The following OCA2 variants were observed in gnomAD, a reference collection of about 807,000 sequenced individuals.
OCA2 encodes the protein OCA2 melanosomal transmembrane protein, also known as P protein.
OCA2 carries 77 observed loss-of-function variants against 100.2 expected under a neutral mutation model. That is an observed-to-expected ratio of 0.77 (90% CI 0.64 to 0.93). The LOEUF (loss-of-function observed/expected upper bound fraction) is 0.93, where lower values mean the gene tolerates loss of function less well. OCA2 is among the 40% of genes least tolerant of loss of function. The pLI, the probability that OCA2 is intolerant of heterozygous loss-of-function variation, is 0.00. For missense variants in OCA2, 1,062 were observed against 1,089.1 expected (o/e 0.98, Z 0.35); for synonymous variants, 432 against 439.2 (o/e 0.98, Z 0.21).
intron 18 of OCA2, among the ~76,000 whole-genome samples, chr15:27,947,816 TG>T (rs149017869): frequency 0.048 from 7,258 of 152,246 alleles, 253 homozygotes; most frequent in South Asian, 0.13. Context: ...GCCAGCACGC[TG>T]GGGCAGTGGT....
chr15:27,744,999 G>A, the OCA2 span, among the ~76,000 whole-genome samples: 1 of 152,078 alleles, frequency 6.6e-6, no homozygotes, highest in African/African-American at 2.4e-5. Flanking sequence ...GACAGATAGC[G>A]GGCCCTGAAA....
chr15:28,024,722 G>T (rs2042696893), intron 5 of OCA2, 123 bp downstream of exon 5: 2 of 1,034,768 alleles, frequency 1.9e-6, no homozygotes, highest in South Asian at 1.3e-5. Flanking sequence ...AAGACAGTCA[G>T]AGAATCAGGC....
chr15:27,744,196 G>T, the OCA2 span, among the ~76,000 whole-genome samples: 1 of 152,158 alleles, frequency 6.6e-6, no homozygotes, highest in Admixed American at 6.5e-5. Context: ...CAGCCCCTCC[G>T]CACCCTCAGC....
chr15:27,975,633 C>A (rs1238654487), intron 14 of OCA2, among the ~76,000 whole-genome samples: 1 of 152,206 alleles, frequency 6.6e-6, no homozygotes, highest in Non-Finnish European at 1.5e-5. Flanking sequence ...CTACTTTATT[C>A]CATTTATCTA....
At chr15:28,056,196 C>T (rs72712676) in intron 2 of OCA2, among the ~76,000 whole-genome samples, 8,966 of 152,202 alleles carry the variant, frequency 0.059, 311 homozygotes, top group Middle Eastern at 0.099. Flanking sequence ...CACCATGGGA[C>T]CTGCCTGTGT....
At chr15:28,096,918 C>G (rs1365807427) in intron 1 of OCA2, among the ~76,000 whole-genome samples, 1 of 152,010 alleles carries the variant, frequency 6.6e-6, no homozygotes, top group African/African-American at 2.4e-5. Context: ...AAACGCGCAG[C>G]CGGGCACGCG....
At chr15:27,827,377 C>G (rs2034770523) in intron 23 of OCA2, among the ~76,000 whole-genome samples, 1 of 152,116 alleles carries the variant, frequency 6.6e-6, no homozygotes, top group South Asian at 2.1e-4. Flanking sequence ...GAAGGAAGAG[C>G]CTGGTGCTCA....
At chr15:27,737,114 T>A in the OCA2 span, among the ~76,000 whole-genome samples, 8 of 152,174 alleles carry the variant, frequency 5.3e-5, no homozygotes, top group Admixed American at 2.0e-4. Flanking sequence ...TCAAAGAACA[T>A]CAAGTTATTA....
At chr15:28,095,035 C>G (rs2044946721) in intron 1 of OCA2, among the ~76,000 whole-genome samples, 1 of 152,270 alleles carries the variant, frequency 6.6e-6, no homozygotes, top group Admixed American at 6.5e-5. Context: ...GGCTCCAGGC[C>G]TGCGGGTGTG....
chr15:27,882,562 C>T (rs1377561217), intron 19 of OCA2, among the ~76,000 whole-genome samples: 1 of 152,170 alleles, frequency 6.6e-6, no homozygotes, highest in East Asian at 1.9e-4. Context: ...TGTTGACTGT[C>T]ATTTTCCCTT....
intron 20 of OCA2, 68 bp from the exon 21 acceptor site, chr15:27,871,326 G>T (rs1053167137): frequency 3.3e-6 from 4 of 1,204,078 alleles, no homozygotes; most frequent in Admixed American, 3.5e-5. Flanking sequence ...CACCAGCCGC[G>T]AGACTCAGAG....
Position 28,024,881 on chromosome 15 carries a change from T to C in OCA2, c.537A>G (p.Lys179=), listed in dbSNP as rs779864536. ...CCACAAAGGCAAACAGGCCCATGAC[T>C]TTCAGCCACTGCACACAGCGCCTGC... ...SKLRRCVQWL[K]VMGLFAFVVL... The change falls in exon 5 of 24, where the codon AAA becomes AAG. Residue 179 remains lysine (K), a synonymous_variant. Transcript: ENST00000354638. The C allele has an allele frequency of 8.1e-6, 13 of 1,614,104 alleles. No individual in the cohort carries two copies. Among genetic ancestry groups the C allele is most frequent in the Middle Eastern group, 3.3e-4 (2 of 6,084 alleles).
At chr15:28,085,787 C>G (rs1429529090) in intron 1 of OCA2, among the ~76,000 whole-genome samples, 1 of 152,034 alleles carries the variant, frequency 6.6e-6, no homozygotes, top group East Asian at 1.9e-4. Flanking sequence ...ACAGAGAAGA[C>G]CTACTTTTCC....
intron 21 of OCA2, among the ~76,000 whole-genome samples, chr15:27,855,392 C>A (rs987647432): frequency 5.9e-5 from 9 of 152,248 alleles, no homozygotes; most frequent in African/African-American, 1.9e-4. Flanking sequence ...TCTTCACAGG[C>A]CTTCACCTGA....
chr15:28,067,753 G>A (rs966634082), intron 2 of OCA2, among the ~76,000 whole-genome samples: 11 of 152,302 alleles, frequency 7.2e-5, no homozygotes, highest in Admixed American at 5.9e-4. Context: ...CTTTATGACT[G>A]AGAATGTGGT....
At chr15:27,861,552 C>T (rs1386896412) in intron 21 of OCA2, among the ~76,000 whole-genome samples, 1 of 151,866 alleles carries the variant, frequency 6.6e-6, no homozygotes, top group African/African-American at 2.4e-5. Context: ...GAAGGAGCCC[C>T]GTGCAGGGAG....
At chr15:27,753,188 A>T (rs2150965901), downstream of OCA2, among the ~76,000 whole-genome samples, 1 of 152,210 alleles carries the variant, frequency 6.6e-6, no homozygotes, top group African/African-American at 2.4e-5. Flanking sequence ...AGGTTCCAGC[A>T]GGGGCAAGTT....
intron 2 of OCA2, among the ~76,000 whole-genome samples, chr15:28,034,652 G>A (rs1247107485): frequency 6.6e-6 from 1 of 152,086 alleles, no homozygotes; most frequent in Non-Finnish European, 1.5e-5. Flanking sequence ...GTGTACTCCT[G>A]TAGTCCCAGC....
the OCA2 span, among the ~76,000 whole-genome samples, chr15:27,723,889 C>T: frequency 5.2e-4 from 79 of 152,280 alleles, no homozygotes; most frequent in African/African-American, 1.8e-3. Flanking sequence ...AGGACACAGC[C>T]TCACACAGCT....
Sources: gnomAD v4.1 joint callset for allele counts (sites outside exome capture counted in the v4.1 genomes callset) on GRCh38, gnomAD v4.1.1 for gene constraint, MANE v1.5 for transcripts, NCBI Gene and HGNC (gene_info 2026-07-23, HGNC 2026-07-21) for gene names.